The following RAD51B variants were observed in gnomAD, a reference collection of about 807,000 sequenced individuals.
RAD51B encodes RAD51 paralog B.
RAD51B carries 38 observed loss-of-function variants against 42.2 expected under a neutral mutation model. The ratio of observed to expected loss-of-function variants is 0.90; its 90% CI spans 0.70 to 1.18. The LOEUF (loss-of-function observed/expected upper bound fraction) is 1.18, where lower values mean the gene tolerates loss of function less well. Among genes scored for constraint, RAD51B ranks in the 50% most tolerant of loss-of-function variants. The probability of loss-of-function intolerance (pLI) is 0.00; values close to 1 mark genes in which losing one functional copy is unlikely to be tolerated. For missense variants in RAD51B, 373 were observed against 400.7 expected (o/e 0.93, Z 0.59); for synonymous variants, 154 against 145.2 (o/e 1.06, Z -0.43).
intron 7 of RAD51B, among the ~76,000 whole-genome samples, chr14:68,025,519 T>A (rs1228333992): frequency 1.4e-5 from 2 of 144,228 alleles, no homozygotes; most frequent in African/African-American, 2.7e-5. Context: ...GTAGGGTTTT[T>A]AAAATTATTA....
At chr14:68,428,205 G>A (rs1181079287) in intron 9 of RAD51B, among the ~76,000 whole-genome samples, 1 of 152,030 alleles carries the variant, frequency 6.6e-6, no homozygotes, top group African/African-American at 2.4e-5. Flanking sequence ...GCACAAAATG[G>A]ACTAAGACAA....
rs77113590 is a variant in RAD51B at position 68,230,685 on chromosome 14, C to T, written c.757-61199C>T. Among the ~76,000 whole-genome samples the T allele has an allele frequency of 3.2e-3, 488 of 152,276 alleles. 2 individuals carry two copies. The highest frequency in any genetic ancestry group is 0.011 in the African/African-American group (465 of 41,550). On this transcript the variant is annotated intron_variant, in intron 7 of 10. Coordinates refer to ENST00000471583, the MANE Select transcript of RAD51B (RefSeq NM_133510.4). ...AGATTCAGCCTTACAGCTAAAGAAA[C>T]GGATTGCTATGCAGAGATTTCTGCT...
At position 67,829,374 on chromosome 14, in the gene RAD51B, C is replaced by T. The variant is rs145581249; in HGVS notation, c.198+3797C>T. On this transcript the variant is annotated intron_variant, in intron 3 of 10. Transcript: ENST00000471583. The stretch of plus-strand genomic sequence containing the variant: ...TCTCCTGCCTCAGCCTCCCAAGTAG[C>T]TGGGACTACAGATGCCCACCTCCAC... Among the ~76,000 whole-genome samples the T allele has an allele frequency of 2.9e-3, 441 of 152,208 alleles. 12 individuals are homozygous for T. In the East Asian group the frequency reaches 0.074, roughly 25 times the overall value.
intron 7 of RAD51B, among the ~76,000 whole-genome samples, chr14:67,963,218 A>C (rs1007196197): frequency 6.6e-6 from 1 of 151,790 alleles, no homozygotes; most frequent in Non-Finnish European, 1.5e-5. Flanking sequence ...ATGTGTATCC[A>C]TGTGTATAGA....
rs557632165 is a variant in RAD51B at position 67,889,551 on chromosome 14, A to G, written c.756+2347A>G. 3.6e-3 allele frequency among the ~76,000 whole-genome samples: 537 copies of G among 148,560 alleles called. 6 individuals carry two copies. The highest frequency in any genetic ancestry group is 0.012 in the African/African-American group (506 of 40,974). ...TAAAAAATATATATAATAAAAATAT[A>G]TAAATATATAAAATGTGATTATTCA... On this transcript the variant is annotated intron_variant, in intron 7 of 10. Coordinates refer to ENST00000471583, the MANE Select transcript of RAD51B (RefSeq NM_133510.4).
At chr14:68,572,689 C>G (rs1036724654) in intron 10 of RAD51B, among the ~76,000 whole-genome samples, 1 of 152,150 alleles carries the variant, frequency 6.6e-6, no homozygotes, top group Non-Finnish European at 1.5e-5. Flanking sequence ...CTTGTCCCGA[C>G]CTCCCAGTGG....
downstream of RAD51B, among the ~76,000 whole-genome samples, chr14:68,482,612 C>G (rs1417895766): frequency 6.6e-6 from 1 of 152,140 alleles, no homozygotes; most frequent in Non-Finnish European, 1.5e-5. Flanking sequence ...AATATCATCA[C>G]CATCACTTTT....
At chr14:68,517,603 G>C (rs1008330413) in intron 10 of RAD51B, among the ~76,000 whole-genome samples, 3 of 152,180 alleles carry the variant, frequency 2.0e-5, no homozygotes, top group African/African-American at 7.2e-5. Context: ...CAGTGCTTTA[G>C]GGAGATGGCT....
chr14:68,151,626 G>A (rs1056222492), intron 7 of RAD51B, among the ~76,000 whole-genome samples: 5 of 151,826 alleles, frequency 3.3e-5, no homozygotes, highest in Admixed American at 6.6e-5. Flanking sequence ...GTGTGTGTGT[G>A]TGTGTTTCAG....
chr14:68,252,615 T>C (rs1361903176), intron 7 of RAD51B, among the ~76,000 whole-genome samples: 2 of 152,228 alleles, frequency 1.3e-5, no homozygotes, highest in Admixed American at 1.3e-4. Flanking sequence ...TATAACAACA[T>C]TGCAGGAAAA....
intron 10 of RAD51B, among the ~76,000 whole-genome samples, chr14:68,524,439 C>A (rs775337254): frequency 6.6e-6 from 1 of 152,102 alleles, no homozygotes; most frequent in Non-Finnish European, 1.5e-5. Context: ...ACACTCCTGA[C>A]GGGTTGGTTC....
At chr14:68,047,281 T>C (rs1595314684) in intron 7 of RAD51B, among the ~76,000 whole-genome samples, 2 of 152,174 alleles carry the variant, frequency 1.3e-5, no homozygotes, top group African/African-American at 2.4e-5. Context: ...GGTCTTGTTA[T>C]TGAGGGAGCC....
chr14:68,518,875 C>A (rs536771324), intron 10 of RAD51B, among the ~76,000 whole-genome samples: 1 of 152,076 alleles, frequency 6.6e-6, no homozygotes, highest in Non-Finnish European at 1.5e-5. Context: ...ATTCAAAAAA[C>A]GAAGGATTTA....
intron 7 of RAD51B, among the ~76,000 whole-genome samples, chr14:68,083,752 AT>A (rs1237683534): frequency 1.3e-5 from 2 of 151,956 alleles, no homozygotes; most frequent in East Asian, 1.9e-4. Context: ...GGTTTTTGGC[AT>A]TTTTTTTGTT....
rs576736146 is a variant in RAD51B at position 68,623,425 on chromosome 14, A to G, written c.1037-27356A>G. Among the ~76,000 whole-genome samples the G allele has an allele frequency of 2.6e-5, 4 of 152,340 alleles. No homozygotes were observed. The East Asian group carries it at 7.7e-4, about 29-fold the overall frequency. Reference sequence around the variant, plus strand: ...CCAAGAAGAGAAATGAGAGCTAGTGACATTGAGTATAGGCAAGGCCACCAC... The same window carrying G: ...CCAAGAAGAGAAATGAGAGCTAGTGGCATTGAGTATAGGCAAGGCCACCAC... On this transcript the variant is annotated intron_variant, in intron 10 of 11. Transcript: ENST00000488612.
At chr14:67,892,604 T>C (rs2043253392) in intron 7 of RAD51B, among the ~76,000 whole-genome samples, 2 of 152,192 alleles carry the variant, frequency 1.3e-5, no homozygotes, top group African/African-American at 4.8e-5. Context: ...GGGAATACTC[T>C]GCCTAGTAAG....
At chr14:68,540,542 T>C in intron 10 of RAD51B, 1 of 985,388 alleles carries the variant, frequency 1.0e-6, no homozygotes, top group African/African-American at 1.7e-5. Context: ...AGTGGGATCA[T>C]CAAACAATAA....
At chr14:68,383,707 T>G (rs2083531072) in intron 8 of RAD51B, among the ~76,000 whole-genome samples, 1 of 152,156 alleles carries the variant, frequency 6.6e-6, no homozygotes, top group Non-Finnish European at 1.5e-5. Flanking sequence ...TCTCCAAGTG[T>G]TGCTCTCAGC....
chr14:68,130,644 A>G (rs578244525), intron 7 of RAD51B, among the ~76,000 whole-genome samples: 26 of 152,196 alleles, frequency 1.7e-4, no homozygotes, highest in Non-Finnish European at 3.4e-4. Context: ...TTTTGTAGAA[A>G]TTGATTCTTT....
Sources: allele counts gnomAD v4.1 joint callset (sites outside exome capture counted in the v4.1 genomes callset), GRCh38; gene constraint gnomAD v4.1.1; transcripts MANE v1.5; gene names NCBI Gene and HGNC (gene_info 2026-07-23, HGNC 2026-07-21).